The following SLC4A10 variants were observed in gnomAD, a reference collection of about 807,000 sequenced individuals.
SLC4A10 encodes the protein sodium-driven chloride bicarbonate exchanger.
In SLC4A10, 42 loss-of-function variants were observed where a neutral mutation model predicts 137.7. That is an observed-to-expected ratio of 0.30 (90% CI 0.24 to 0.39). The LOEUF is 0.39. SLC4A10 is among the 10% of genes least tolerant of loss of function. The pLI, the probability that SLC4A10 is intolerant of heterozygous loss-of-function variation, is 1.00. For synonymous variants in SLC4A10, 474 were observed against 464.1 expected, an observed-to-expected ratio of 1.02 and a Z score of -0.27; for missense variants, 925 against 1,355.0, an observed-to-expected ratio of 0.68 and a Z score of 4.98.
intron 3 of SLC4A10, among the ~76,000 whole-genome samples, chr2:161,820,023 T>C (rs1444475928): frequency 1.3e-5 from 2 of 152,166 alleles, no homozygotes; most frequent in Non-Finnish European, 2.9e-5. Context: ...ATTATGCCAA[T>C]TACAATTAGC....
chr2:161,703,307 T>C lies in SLC4A10; in HGVS notation c.49-67666T>C, dbSNP rs567823805. The stretch of plus-strand genomic sequence containing the variant: ...AATAGGAGATTGGTTCAATAAAGTA[T>C]GGTACCTCTATTTGATAGAATACCA... On this transcript the variant is annotated intron_variant, in intron 1 of 26. Transcript: ENST00000446997. Among the ~76,000 whole-genome samples, 16 of 151,822 alleles carry C rather than the reference T, an allele frequency of 1.1e-4. 1 individual carries two copies. Among genetic ancestry groups the C allele is most frequent in the African/African-American group, 3.9e-4 (16 of 41,538 alleles).
At chr2:161,723,350 G>T (rs375642292) in intron 1 of SLC4A10, among the ~76,000 whole-genome samples, 1 of 152,046 alleles carries the variant, frequency 6.6e-6, no homozygotes, top group African/African-American at 2.4e-5. Context: ...GCTTTTTCTC[G>T]CTCTCCGTGG....
chr2:161,808,979 T>C (rs34935338), intron 3 of SLC4A10, among the ~76,000 whole-genome samples: 1 of 151,958 alleles, frequency 6.6e-6, no homozygotes, highest in African/African-American at 2.4e-5. Context: ...ATTTCTTTGA[T>C]AAATCTCCAA....
chr2:161,961,791 T>C (rs1300469750), intron 21 of SLC4A10, among the ~76,000 whole-genome samples: 1 of 152,208 alleles, frequency 6.6e-6, no homozygotes, highest in Non-Finnish European at 1.5e-5. Context: ...GGTGTGAATC[T>C]TTTAAATGAA....
At chr2:161,654,073 C>A (rs1464112899) in intron 1 of SLC4A10, among the ~76,000 whole-genome samples, 4 of 152,124 alleles carry the variant, frequency 2.6e-5, no homozygotes, top group Non-Finnish European at 4.4e-5. Flanking sequence ...AAAATAGCCA[C>A]CACCACAGGT....
intron 15 of SLC4A10, among the ~76,000 whole-genome samples, chr2:161,908,822 T>C (rs188091686): frequency 5.9e-5 from 9 of 151,410 alleles, no homozygotes. Context: ...AATGGGAGAA[T>C]AGAGACTGAG....
Position 161,947,614 on chromosome 2 carries a change from G to C in SLC4A10, c.2152G>C (p.Asp718His), listed in dbSNP as rs766275453. 6.2e-7 allele frequency: 1 copy of C among 1,613,184 alleles called. No individual in the cohort carries two copies. The highest frequency in any genetic ancestry group is 2.2e-5 in the East Asian group (1 of 44,860). Residue 718 changes from aspartate (D) to histidine (H), a missense_variant, in exon 17 of 27, where the codon GAT becomes CAT. Physicochemically the swap from Asp to His is moderately conservative, Grantham distance 81 (BLOSUM62 -1). Coordinates refer to ENST00000446997, the MANE Select transcript of SLC4A10 (RefSeq NM_001178015.2). ...GEYVGRACGHDHPYVPDVLFW... is the reference protein window; with the variant it reads ...GEYVGRACGHHHPYVPDVLFW... The stretch of plus-strand genomic sequence containing the variant: ...GTATGTTGGACGGGCCTGTGGCCAT[G>C]ATCACCCATATGTTCCAGATGTTCT...
chr2:161,735,476 C>T (rs982504257), intron 1 of SLC4A10, among the ~76,000 whole-genome samples: 1 of 152,012 alleles, frequency 6.6e-6, no homozygotes, highest in African/African-American at 2.4e-5. Context: ...ACAATATGAT[C>T]TTAGGATTTT....
chr2:161,832,426 C>T (rs1306004631), intron 3 of SLC4A10, among the ~76,000 whole-genome samples: 1 of 152,122 alleles, frequency 6.6e-6, no homozygotes, highest in Non-Finnish European at 1.5e-5. Context: ...ATGATGGCCT[C>T]ACAGCTAATT....
rs912538359 is a variant in SLC4A10 at position 161,983,745 on chromosome 2, T to C, written c.*593T>C. The C allele has an allele frequency of 6.6e-6, 1 of 152,408 alleles. No homozygotes were observed. The highest frequency in any genetic ancestry group is 1.5e-5 in the Non-Finnish European group (1 of 68,178). 9.4% of individuals were successfully genotyped at this position (152,408 alleles called of 1,614,324 possible). A position where few individuals can be genotyped will look rare whatever the true frequency, so the allele number is the denominator to read the frequency against. On this transcript the variant is annotated 3_prime_UTR_variant, in exon 27 of 27. Coordinates refer to ENST00000446997, the MANE Select transcript of SLC4A10 (RefSeq NM_001178015.2). ...GTATTTATGCATTTCCTTGATTTAA[T>C]ATGATAAATTTAATACTTAACAATT...
In SLC4A10 at chr2:161,976,861, G is replaced by T; in HGVS notation, c.3329G>T (p.Ser1110Ile). ...TADNSKDKES[S>I]FPSKSSPS ...GATAACTCAAAAGATAAGGAGTCAA[G>T]CTTTCCTTCCAAAAGGTTTGGATTT... Residue 1110 changes from serine (S) to isoleucine (I), a missense_variant, in exon 25 of 27, where the codon AGC (serine) becomes ATC (isoleucine). Ser to Ile is a moderately radical substitution (Grantham distance 142). Coordinates refer to ENST00000446997, the MANE Select transcript of SLC4A10 (RefSeq NM_001178015.2). 6.3e-7 allele frequency: 1 copy of T among 1,584,494 alleles called. No homozygotes were observed. Among genetic ancestry groups the T allele is most frequent in the Middle Eastern group, 1.7e-4 (1 of 6,006 alleles).
intron 1 of SLC4A10, among the ~76,000 whole-genome samples, chr2:161,695,003 A>G (rs1223158342): frequency 1.3e-5 from 2 of 152,046 alleles, no homozygotes; most frequent in African/African-American, 4.8e-5. Flanking sequence ...ATAAACAAAA[A>G]AAGACTGAAT....
At chr2:161,919,126 G>A (rs1687673513) in intron 15 of SLC4A10, among the ~76,000 whole-genome samples, 1 of 152,166 alleles carries the variant, frequency 6.6e-6, no homozygotes, top group Non-Finnish European at 1.5e-5. Flanking sequence ...CACACTTGGG[G>A]TAGTAATGAC....
chr2:161,807,565 T>C lies in SLC4A10; in HGVS notation c.277+2970T>C, dbSNP rs571528906. Among the ~76,000 whole-genome samples the C allele has an allele frequency of 7.9e-5, 12 of 152,308 alleles. No homozygotes were observed. The South Asian group carries it at 2.5e-3, about 32-fold the overall frequency. ...ACTTAACCCCTCTACTTTTCTTCTATCCATAAGTTTGTCTTTATTTGTTTA... is the reference window on the plus strand; with the variant it reads ...ACTTAACCCCTCTACTTTTCTTCTACCCATAAGTTTGTCTTTATTTGTTTA... On this transcript the variant is annotated intron_variant, in intron 3 of 26. Transcript: ENST00000446997.
chr2:161,661,378 G>C (rs969871895), intron 1 of SLC4A10, among the ~76,000 whole-genome samples: 1 of 152,238 alleles, frequency 6.6e-6, no homozygotes, highest in African/African-American at 2.4e-5. Context: ...TGGAGGCTGA[G>C]GCAGGAGAAT....
At chr2:161,777,601 C>G (rs980952837) in intron 2 of SLC4A10, among the ~76,000 whole-genome samples, 2 of 151,954 alleles carry the variant, frequency 1.3e-5, no homozygotes, top group Admixed American at 1.3e-4. Context: ...AGGAGCAAGT[C>G]ACATCTTACA....
At chr2:161,956,491 A>G (rs566210160) in intron 19 of SLC4A10, among the ~76,000 whole-genome samples, 1 of 151,470 alleles carries the variant, frequency 6.6e-6, no homozygotes, top group South Asian at 2.1e-4. Context: ...GCTCTTCCCC[A>G]TCTTTGATTT....
chr2:161,799,535 A>G (rs2055158204), intron 2 of SLC4A10, among the ~76,000 whole-genome samples: 1 of 151,974 alleles, frequency 6.6e-6, no homozygotes, highest in African/African-American at 2.4e-5. Context: ...ACAGGAAGAA[A>G]ATGAAATGGG....
intron 4 of SLC4A10, among the ~76,000 whole-genome samples, chr2:161,854,404 T>C (rs945063814): frequency 6.6e-6 from 1 of 152,130 alleles, no homozygotes; most frequent in African/African-American, 2.4e-5. Flanking sequence ...AGGGATGGGG[T>C]CTGAGCTCAA....
Sources: gnomAD v4.1 joint callset for allele counts (sites outside exome capture counted in the v4.1 genomes callset) on GRCh38, gnomAD v4.1.1 for gene constraint, MANE v1.5 for transcripts, NCBI Gene and HGNC (gene_info 2026-07-23, HGNC 2026-07-21) for gene names.